Variants in ZNF599 observed in about 807,000 individuals in gnomAD.
ZNF599 encodes zinc finger protein 599.
Under a neutral mutation model 11.7 loss-of-function variants are expected in ZNF599, and 10 were observed. The observed-to-expected ratio is 0.86, with a 90% CI of 0.53 to 1.45. The LOEUF (loss-of-function observed/expected upper bound fraction) is 1.45. Ranked by LOEUF, ZNF599 falls within the 40% of genes most tolerant of loss-of-function variation. The probability of loss-of-function intolerance (pLI) is 0.00; values close to 1 mark genes in which losing one functional copy is unlikely to be tolerated. For missense variants in ZNF599, 688 were observed against 713.6 expected (o/e 0.96, Z 0.41); for synonymous variants, 232 against 253.2 (o/e 0.92, Z 0.79).
chr19:34,762,445 C>T (rs2069118845), intron 3 of ZNF599, among the ~76,000 whole-genome samples: 1 of 152,130 alleles, frequency 6.6e-6, no homozygotes, highest in East Asian at 1.9e-4. Flanking sequence ...TAGTAAAATT[C>T]TCCTTTTGCT....
chr19:34,766,696 T>C (rs1380255458), intron 3 of ZNF599, among the ~76,000 whole-genome samples: 13 of 152,246 alleles, frequency 8.5e-5, no homozygotes, highest in Admixed American at 8.5e-4. Flanking sequence ...ATATGTTCAC[T>C]ATACCCATAG....
chr19:34,793,448 C>T, the ZNF599 span, among the ~76,000 whole-genome samples: 1 of 152,206 alleles, frequency 6.6e-6, no homozygotes, highest in Non-Finnish European at 1.5e-5. Flanking sequence ...TTTAAGTTGA[C>T]ACACATTTTG....
chr19:34,777,354 ATATATTAATATATTATATATT>A (rs2145473223), upstream of ZNF599, among the ~76,000 whole-genome samples: 1 of 91,592 alleles, frequency 1.1e-5, no homozygotes, highest in African/African-American at 4.5e-5. Context: ...ATTATATATT[ATATATTAATATATTATATATT>A]ATATATTAAT....
chr19:34,769,360 G>A (rs2069166825), intron 2 of ZNF599, 69 bp downstream of exon 2: 1 of 1,609,206 alleles, frequency 6.2e-7, no homozygotes. Flanking sequence ...TCCTGGACCA[G>A]CCATGCCTAG....
intron 3 of ZNF599, among the ~76,000 whole-genome samples, 176 bp from the exon 4 acceptor site, chr19:34,760,735 C>G (rs889926464): frequency 2.6e-5 from 4 of 152,144 alleles, no homozygotes; most frequent in Non-Finnish European, 4.4e-5. Context: ...CTCTTGAGAT[C>G]TTTAAAAGGA....
intron 3 of ZNF599, chr19:34,765,207 T>C (rs374150932): frequency 2.3e-4 from 45 of 192,080 alleles, no homozygotes; most frequent in African/African-American, 9.9e-4. Context: ...CCCCAAGTCA[T>C]AGTGTTCACA....
chr19:34,800,277 C>G, the ZNF599 span, among the ~76,000 whole-genome samples: 1 of 152,124 alleles, frequency 6.6e-6, no homozygotes, highest in Admixed American at 6.5e-5. Context: ...TGAAAGTTTC[C>G]TTGCTCTGAA....
rs763941547 is a variant in ZNF599 at position 34,767,359 on chromosome 19, T to G, written c.198A>C (p.Glu66Asp). 2.5e-5 allele frequency: 41 copies of G among 1,614,160 alleles called. No individual in the cohort carries two copies. The highest frequency in any genetic ancestry group is 3.5e-5 in the Non-Finnish European group (41 of 1,180,022). The change falls in exon 3 of 4, where the codon GAA (glutamate) becomes GAC (aspartate). Residue 66 changes from glutamate to aspartate, a missense_variant. Physicochemically the swap from Glu to Asp is conservative, Grantham distance 45. Coordinates refer to ENST00000329285, the MANE Select transcript of ZNF599 (RefSeq NM_001007248.3). ...AGAGGCCTCTCTTCACTGTCCACAG[T>G]TCCTGTCCATGTTCCAGTAGATAGA... ...ELIYLLEHGQ[E>D]LWTVKRGLSQ...
Position 34,759,022 on chromosome 19 carries a change from TTCCTGTA to T in ZNF599, c.*5_*11del. On this transcript the variant is annotated 3_prime_UTR_variant, in exon 4 of 4. Coordinates refer to ENST00000329285, the MANE Select transcript of ZNF599 (RefSeq NM_001007248.3). ...AAGACAAACACACTTGTAATAGGCCTTCCTGTATCTTTTAAACTCTGGTATGAATCTT... is the reference window on the plus strand; with the variant it reads ...AAGACAAACACACTTGTAATAGGCCTTCTTTTAAACTCTGGTATGAATCTT... The T allele has an allele frequency of 6.3e-7, 1 of 1,595,586 alleles. No homozygotes were observed. The highest frequency in any genetic ancestry group is 8.6e-7 in the Non-Finnish European group (1 of 1,169,472).
At chr19:34,770,893 TAGAG>T (rs2031226599) in intron 1 of ZNF599, among the ~76,000 whole-genome samples, 1 of 152,166 alleles carries the variant, frequency 6.6e-6, no homozygotes, top group African/African-American at 2.4e-5. Flanking sequence ...GTCCACCTGC[TAGAG>T]AGAGGCCTGC....
At chr19:34,785,857 T>C in the ZNF599 span, among the ~76,000 whole-genome samples, 1 of 152,130 alleles carries the variant, frequency 6.6e-6, no homozygotes, top group Non-Finnish European at 1.5e-5. Flanking sequence ...TGTTTGGCCA[T>C]TGTCATGGAG....
At chr19:34,789,517 C>A in the ZNF599 span, among the ~76,000 whole-genome samples, 1 of 152,176 alleles carries the variant, frequency 6.6e-6, no homozygotes, top group African/African-American at 2.4e-5. Flanking sequence ...CCAACACGTG[C>A]TCTTTTCTCT....
At chr19:34,788,812 C>T in the ZNF599 span, 3 of 152,134 alleles carry the variant, frequency 2.0e-5, no homozygotes, top group Admixed American at 1.3e-4. Context: ...TATTCTAAGA[C>T]TCTTTTTAAA....
chr19:34,779,581 TGCTCCAGATGGAAAG>T, the ZNF599 span: 1 of 418,934 alleles, frequency 2.4e-6, no homozygotes. Context: ...ATTTAACCAC[TGCTCCAGATGGAAAG>T]GCAGGGTCTC....
At chr19:34,793,560 T>C in the ZNF599 span, among the ~76,000 whole-genome samples, 1 of 152,216 alleles carries the variant, frequency 6.6e-6, no homozygotes, top group Non-Finnish European at 1.5e-5. Context: ...AATACAACAA[T>C]GAAATAAAAA....
chr19:34,800,574 A>C, the ZNF599 span, among the ~76,000 whole-genome samples: 1 of 132,936 alleles, frequency 7.5e-6, no homozygotes, highest in East Asian at 2.1e-4. Context: ...TTTTATTTCT[A>C]GCATTTCCTT....
chr19:34,776,356 C>T (rs1215528819), upstream of ZNF599, among the ~76,000 whole-genome samples: 1 of 152,218 alleles, frequency 6.6e-6, no homozygotes, highest in Non-Finnish European at 1.5e-5. Flanking sequence ...ATTCACTTCA[C>T]ACAAGACTAG....
At chr19:34,765,653 G>A (rs1446181856) in intron 3 of ZNF599, 2 of 703,100 alleles carry the variant, frequency 2.8e-6, no homozygotes, top group Non-Finnish European at 5.2e-6. Flanking sequence ...TGCAGGATAA[G>A]TCAGATGAAC....
chr19:34,797,404 G>T, the ZNF599 span, among the ~76,000 whole-genome samples: 1 of 151,976 alleles, frequency 6.6e-6, no homozygotes, highest in African/African-American at 2.4e-5. Flanking sequence ...CTTCCACAAT[G>T]GTTGAACTAG....
Sources: gnomAD v4.1 joint callset for allele counts (sites outside exome capture counted in the v4.1 genomes callset) on GRCh38, gnomAD v4.1.1 for gene constraint, MANE v1.5 for transcripts, NCBI Gene and HGNC (gene_info 2026-07-23, HGNC 2026-07-21) for gene names.